The following PPM1L variants were observed in gnomAD, a reference collection of about 807,000 sequenced individuals.
The protein encoded by PPM1L is protein phosphatase, Mg2+/Mn2+ dependent 1L, also known as protein phosphatase 1L.
In PPM1L, 13 loss-of-function variants were observed where a neutral mutation model predicts 31.4. The observed-to-expected ratio is 0.41, with a 90% confidence interval of 0.27 to 0.66. The LOEUF (loss-of-function observed/expected upper bound fraction) is 0.66, where lower values mean the gene tolerates loss of function less well. PPM1L is among the 30% of genes least tolerant of loss of function. The pLI is 0.29. For synonymous variants in PPM1L, 184 were observed against 175.4 expected (o/e 1.05, Z -0.39); for missense variants, 326 against 453.7 (o/e 0.72, Z 2.56).
chr3:161,018,856 A>G (rs955420468), intron 2 of PPM1L, among the ~76,000 whole-genome samples: 2 of 152,306 alleles, frequency 1.3e-5, no homozygotes, highest in Non-Finnish European at 2.9e-5. Context: ...CTGGAGGGAA[A>G]AACATTTGGG....
rs572993760 is a variant in PPM1L, at chr3:160,989,687, T to A, written c.574+27777T>A. ...TATTTATTAATTTTTAGAAACAGAG[T>A]CTTGCTCTGTCACCCATGCTGGAAT... On this transcript the variant is annotated intron_variant, in intron 2 of 3. Coordinates refer to ENST00000498165, the MANE Select transcript of PPM1L (RefSeq NM_139245.4). 1.8e-4 allele frequency among the ~76,000 whole-genome samples: 27 copies of A among 152,206 alleles called. 1 individual carries two copies. Among genetic ancestry groups the A allele is most frequent in the Admixed American group, 1.4e-3 (22 of 15,290 alleles).
intron 1 of PPM1L, among the ~76,000 whole-genome samples, chr3:160,763,247 A>C (rs183142440): frequency 7.8e-4 from 119 of 152,274 alleles, no homozygotes; most frequent in Non-Finnish European, 1.5e-3. Context: ...CTTTGTGAGG[A>C]GCTCAGGTTT....
chr3:161,018,408 T>C (rs1394336280), intron 2 of PPM1L, among the ~76,000 whole-genome samples: 3 of 152,242 alleles, frequency 2.0e-5, no homozygotes, highest in Non-Finnish European at 4.4e-5. Flanking sequence ...TCTCTCTTCT[T>C]TCTATGAACA....
chr3:160,849,163 CTCTG>C (rs1414206583), intron 1 of PPM1L, among the ~76,000 whole-genome samples: 15 of 152,114 alleles, frequency 9.9e-5, no homozygotes, highest in African/African-American at 3.4e-4. Context: ...TCCAGAAGCA[CTCTG>C]TCTTTTTTTC....
chr3:160,944,834 A>ATAT lies in PPM1L; in HGVS notation c.400-16901_400-16899dup, dbSNP rs1230484647. Among the ~76,000 whole-genome samples, 17 of 48,022 alleles carry ATAT rather than the reference A, an allele frequency of 3.5e-4. 2 individuals carry two copies. The highest frequency in any genetic ancestry group is 9.3e-4 in the South Asian group (2 of 2,160). 31.5% of individuals were successfully genotyped at this position (48,022 alleles called of 152,430 possible). On this transcript the variant is annotated intron_variant, in intron 1 of 3. Transcript: ENST00000498165. ...AACATATATATGTTATATATAACAT[A>ATAT]TATATGTTATATATAACATATATTA...
chr3:160,870,384 A>G (rs555807816), intron 1 of PPM1L, among the ~76,000 whole-genome samples: 2 of 152,350 alleles, frequency 1.3e-5, no homozygotes, highest in Admixed American at 1.3e-4. Context: ...AACTAGCCGA[A>G]TGGTTCAAAA....
At chr3:160,771,566 TTTTTA>T (rs1386105529) in intron 1 of PPM1L, among the ~76,000 whole-genome samples, 1 of 146,538 alleles carries the variant, frequency 6.8e-6, no homozygotes, top group African/African-American at 2.6e-5. Flanking sequence ...TTTTTTTTTT[TTTTTA>T]AAAAGAGCAT....
At chr3:161,029,242 C>A (rs1718494342) in intron 2 of PPM1L, among the ~76,000 whole-genome samples, 1 of 152,156 alleles carries the variant, frequency 6.6e-6, no homozygotes, top group African/African-American at 2.4e-5. Flanking sequence ...CTCATAAGCA[C>A]CCTCTGAGAT....
At chr3:160,841,845 A>C (rs1271903654) in intron 1 of PPM1L, among the ~76,000 whole-genome samples, 1 of 152,194 alleles carries the variant, frequency 6.6e-6, no homozygotes, top group Non-Finnish European at 1.5e-5. Context: ...GAAATATTGA[A>C]ATTTTTTGAT....
In PPM1L at chr3:160,756,842, G is replaced by T. The variant is rs1389383334; in HGVS notation, c.399+135G>T. The stretch of plus-strand genomic sequence containing the variant: ...GCGGGAGAGGATCTGGGTGCGAGGG[G>T]CGTGGTGATGACACCACGGTGCCTG... On this transcript the variant is annotated intron_variant, in intron 1 of 3. Coordinates refer to ENST00000498165, the MANE Select transcript of PPM1L (RefSeq NM_139245.4). This position sits in a 1 kb window ranked among gnomAD's most constrained non-coding sequence, Gnocchi z 6.2. 3 of 989,814 alleles carry T rather than the reference G, an allele frequency of 3.0e-6. No homozygotes were observed. The highest frequency in any genetic ancestry group is 4.4e-6 in the Non-Finnish European group (3 of 689,056). The allele number at this position is 989,814 out of a possible 1,614,324, so 61.3% of individuals were successfully genotyped here.
intron 1 of PPM1L, among the ~76,000 whole-genome samples, chr3:160,817,492 T>G (rs550773586): frequency 1.2e-4 from 19 of 152,216 alleles, no homozygotes; most frequent in African/African-American, 4.6e-4. Flanking sequence ...AACATCTGAA[T>G]TTTTACACGG....
chr3:160,842,095 T>C, intron 1 of PPM1L: 1 of 557,346 alleles, frequency 1.8e-6, no homozygotes, highest in Non-Finnish European at 3.2e-6. Context: ...GATGAGTGGG[T>C]TGGAATATTA....
chr3:160,904,573 A>G (rs1201482284), intron 1 of PPM1L, among the ~76,000 whole-genome samples: 1 of 152,148 alleles, frequency 6.6e-6, no homozygotes, highest in Non-Finnish European at 1.5e-5. Context: ...TATTGGGAAG[A>G]TGAACTCAAG....
chr3:160,914,204 TCATA>T, intron 1 of PPM1L, among the ~76,000 whole-genome samples: 1 of 152,340 alleles, frequency 6.6e-6, no homozygotes, highest in Admixed American at 6.5e-5. Flanking sequence ...TGGTGGCCAT[TCATA>T]CATGTATTTT....
chr3:160,977,008 T>G, intron 2 of PPM1L, among the ~76,000 whole-genome samples: 1 of 152,192 alleles, frequency 6.6e-6, no homozygotes, highest in Non-Finnish European at 1.5e-5. Flanking sequence ...GTTGTGGGCA[T>G]TTAGTGCTAT....
chr3:160,877,731 C>T, intron 1 of PPM1L, among the ~76,000 whole-genome samples: 1 of 152,084 alleles, frequency 6.6e-6, no homozygotes, highest in East Asian at 1.9e-4. Context: ...GTCTGATGTA[C>T]GTAGGGTCCA....
At position 161,048,407 on chromosome 3, in the gene PPM1L, A is replaced by G. The variant is rs539520884; in HGVS notation, c.575-16996A>G. 2.6e-3 allele frequency among the ~76,000 whole-genome samples: 390 copies of G among 152,302 alleles called. 1 individual carries two copies. Among genetic ancestry groups the G allele is most frequent in the African/African-American group, 9.0e-3 (375 of 41,564 alleles). ...ACCATCTCATACCAGTTAGAATGGC[A>G]ATCATTAAAAAGTCAGGAAACAACA... is the stretch of plus-strand genomic sequence containing the variant. On this transcript the variant is annotated intron_variant, in intron 2 of 3. Coordinates refer to ENST00000498165, the MANE Select transcript of PPM1L (RefSeq NM_139245.4).
chr3:161,068,737 C>T (rs543832510), intron 3 of PPM1L, 74 bp from the exon 4 acceptor site: 65 of 1,261,734 alleles, frequency 5.2e-5, no homozygotes, highest in African/African-American at 2.5e-4. Flanking sequence ...CACCCTGTTG[C>T]GCACGTACCT....
chr3:160,977,085 G>A (rs924232171), intron 2 of PPM1L, among the ~76,000 whole-genome samples: 7 of 152,036 alleles, frequency 4.6e-5, no homozygotes, highest in Admixed American at 6.6e-5. Context: ...CTTTGTTCTC[G>A]TTGGTTTCAA....
Sources: gnomAD v4.1 joint callset for allele counts (sites outside exome capture counted in the v4.1 genomes callset) on GRCh38, gnomAD v4.1.1 for gene constraint, Gnocchi (gnomAD v3.1) non-coding constraint, MANE v1.5 for transcripts, NCBI Gene and HGNC (gene_info 2026-07-23, HGNC 2026-07-21) for gene names.